AHCYL2: variants seen among roughly 807,000 people sequenced by gnomAD.
AHCYL2 encodes adenosylhomocysteinase like 2, also known as S-adenosylhomocysteine hydrolase-like protein 2.
Under a neutral mutation model 81.4 loss-of-function variants are expected in AHCYL2, and 28 were observed. The ratio of observed to expected loss-of-function variants is 0.34; its 90% confidence interval spans 0.25 to 0.47. AHCYL2 has a LOEUF of 0.47. Among genes scored for constraint, AHCYL2 ranks in the 20% least tolerant of loss-of-function variants. The pLI is 1.00. For missense variants in AHCYL2, 551 were observed against 785.1 expected, an observed-to-expected ratio of 0.70 and a Z score of 3.56; for synonymous variants, 272 against 290.2, an observed-to-expected ratio of 0.94 and a Z score of 0.64.
chr7:129,340,165 G>C (rs1184139483), intron 1 of AHCYL2, among the ~76,000 whole-genome samples: 2 of 140,630 alleles, frequency 1.4e-5, no homozygotes, highest in African/African-American at 5.3e-5. Context: ...CTTGTGATCC[G>C]CCCGCCTTGG....
At chr7:129,340,429 G>T (rs938084782) in intron 1 of AHCYL2, among the ~76,000 whole-genome samples, 2 of 151,474 alleles carry the variant, frequency 1.3e-5, no homozygotes, top group African/African-American at 2.4e-5. Context: ...TTAGCCGGGC[G>T]TGGTGGCAGT....
intron 1 of AHCYL2, among the ~76,000 whole-genome samples, chr7:129,362,380 C>A (rs901624463): frequency 9.9e-5 from 15 of 152,014 alleles, no homozygotes; most frequent in African/African-American, 3.6e-4. Context: ...TACCTAACAT[C>A]ATTTAGGTTG....
intron 1 of AHCYL2, among the ~76,000 whole-genome samples, chr7:129,298,401 A>G (rs191080900): frequency 8.9e-4 from 136 of 152,356 alleles, no homozygotes; most frequent in Non-Finnish European, 1.5e-3. Context: ...AATTTCCGTT[A>G]CAACTGGTAT....
intron 1 of AHCYL2, among the ~76,000 whole-genome samples, chr7:129,254,350 T>C (rs2150707218): frequency 6.6e-6 from 1 of 152,364 alleles, no homozygotes; most frequent in East Asian, 1.9e-4. Context: ...AACATAATTT[T>C]ACCTTTGTGT....
chr7:129,399,141 CAAAAAAA>C (rs71162600), intron 5 of AHCYL2, among the ~76,000 whole-genome samples: 1 of 44,968 alleles, frequency 2.2e-5, no homozygotes, highest in Non-Finnish European at 3.7e-5. Context: ...GACTCCATCT[CAAAAAAA>C]AAAAAAAAAA....
Position 129,427,616 on chromosome 7 carries a change from C to T in AHCYL2, c.*571C>T, listed in dbSNP as rs1797418273. The stretch of plus-strand genomic sequence containing the variant: ...TTGCCAAGCTACATCAAGAACTCAG[C>T]TGTGCTGTGCCTACCAGGGGTCTCC... On this transcript the variant is annotated 3_prime_UTR_variant, in exon 17 of 17. Transcript: ENST00000325006. This position sits in a 1 kb window ranked among gnomAD's most constrained non-coding sequence, Gnocchi z 5.5. 6.5e-6 allele frequency: 1 copy of T among 152,778 alleles called. No individual in the cohort carries two copies. Among genetic ancestry groups the T allele is most frequent in the Non-Finnish European group, 1.5e-5 (1 of 68,152 alleles). The allele number at this position is 152,778 out of a possible 1,614,324, so 9.5% of individuals were successfully genotyped here.
Position 129,378,145 on chromosome 7 carries a change from C to T in AHCYL2, c.364-1493C>T, listed in dbSNP as rs1388248207. On this transcript the variant is annotated intron_variant, in intron 1 of 16. Coordinates refer to ENST00000325006, the MANE Select transcript of AHCYL2 (RefSeq NM_015328.4). ...TGGCCAACATGGTGAAACCCCGTCT[C>T]TACTAAAAATACAAAAATTAGCTGG... Among the ~76,000 whole-genome samples the T allele has an allele frequency of 9.2e-5, 14 of 152,186 alleles. No individual in the cohort carries two copies. In the South Asian group the frequency reaches 2.9e-3, roughly 32 times the overall value.
Position 129,236,607 on chromosome 7 carries a change from G to A in AHCYL2, c.363+11168G>A, listed in dbSNP as rs140221597. ...CTGCCCGCCTCAGCCTCCCAAAGAG[G>A]CATAAAACACAGTGCTTGGCCGTGT... On this transcript the variant is annotated intron_variant, in intron 1 of 16. Transcript: ENST00000325006. Among the ~76,000 whole-genome samples the A allele has an allele frequency of 6.1e-4, 93 of 152,204 alleles. 1 individual carries two copies. Among genetic ancestry groups the A allele is most frequent in the Non-Finnish European group, 1.1e-3 (73 of 68,028 alleles).
intron 1 of AHCYL2, among the ~76,000 whole-genome samples, chr7:129,285,726 G>A (rs1286673604): frequency 7.7e-6 from 1 of 130,264 alleles, no homozygotes; most frequent in African/African-American, 2.9e-5. Context: ...TTGAGATAGG[G>A]TCTGGCTCTG....
rs1274164937 is a variant in AHCYL2, at chr7:129,389,105, G to A, written c.525G>A (p.Lys175=). 1.9e-6 allele frequency: 3 copies of A among 1,613,838 alleles called. No individual in the cohort carries two copies. Among genetic ancestry groups the A allele is most frequent in the Non-Finnish European group, 1.7e-6 (2 of 1,179,950 alleles). Residue 175 remains lysine (K), a synonymous_variant, in exon 3 of 17, where the codon AAG becomes AAA. Coordinates refer to ENST00000325006, the MANE Select transcript of AHCYL2 (RefSeq NM_015328.4). ...SSDDETSPRD[K]QQKNSKGSSD... is the part of the protein sequence containing the mutation. ...ATGATGAGACATCGCCCAGGGACAAGCAGCAAAAGAACTCTAAGGGAAGCA... is the reference window on the plus strand; with the variant it reads ...ATGATGAGACATCGCCCAGGGACAAACAGCAAAAGAACTCTAAGGGAAGCA...
chr7:129,246,598 A>G (rs779769790), intron 1 of AHCYL2, among the ~76,000 whole-genome samples: 7 of 152,214 alleles, frequency 4.6e-5, no homozygotes, highest in Non-Finnish European at 8.8e-5. Flanking sequence ...CCTACGCTCA[A>G]TCGATCTTCT....
At chr7:129,348,939 A>T (rs1793455068) in intron 1 of AHCYL2, among the ~76,000 whole-genome samples, 1 of 152,214 alleles carries the variant, frequency 6.6e-6, no homozygotes, top group Non-Finnish European at 1.5e-5. Flanking sequence ...TAAAAAGTTA[A>T]AACACACTAA....
chr7:129,280,955 C>T (rs1415844481), intron 1 of AHCYL2, among the ~76,000 whole-genome samples: 1 of 15,988 alleles, frequency 6.3e-5, no homozygotes, highest in East Asian at 0.25. Flanking sequence ...ACCTCTGCCT[C>T]CTGGTTCAAG....
intron 1 of AHCYL2, among the ~76,000 whole-genome samples, chr7:129,231,959 A>G (rs1262403659): frequency 2.0e-5 from 3 of 151,214 alleles, no homozygotes; most frequent in Non-Finnish European, 4.4e-5. Flanking sequence ...TCAAGGGTCT[A>G]TCAGTAGAAA....
intron 1 of AHCYL2, among the ~76,000 whole-genome samples, chr7:129,257,821 A>AGACAT (rs1795478421): frequency 6.6e-6 from 1 of 152,254 alleles, no homozygotes; most frequent in Admixed American, 6.5e-5. Flanking sequence ...AGGATCTTAG[A>AGACAT]GACATAGTGC....
chr7:129,387,367 A>G (rs1161898016), intron 2 of AHCYL2, among the ~76,000 whole-genome samples: 1 of 152,186 alleles, frequency 6.6e-6, no homozygotes, highest in African/African-American at 2.4e-5. Flanking sequence ...TAAATTAACA[A>G]CTCTTTCAAA....
intron 1 of AHCYL2, among the ~76,000 whole-genome samples, chr7:129,357,809 C>T (rs1793785788): frequency 6.6e-6 from 1 of 151,626 alleles, no homozygotes; most frequent in Non-Finnish European, 1.5e-5. Context: ...TGGCGGGCGC[C>T]TGTAGTCCCA....
At chr7:129,384,386 AT>A (rs924275985) in intron 2 of AHCYL2, among the ~76,000 whole-genome samples, 76 of 144,256 alleles carry the variant, frequency 5.3e-4, no homozygotes, top group East Asian at 2.4e-3. Flanking sequence ...GAGAACAGAG[AT>A]TTTTTTTTTT....
chr7:129,276,029 T>G (rs1372291076), intron 1 of AHCYL2, among the ~76,000 whole-genome samples: 1 of 152,158 alleles, frequency 6.6e-6, no homozygotes, highest in African/African-American at 2.4e-5. Flanking sequence ...TTATGCAAAC[T>G]ATTCTCGTAC....
Sources: gnomAD v4.1 joint callset for allele counts (sites outside exome capture counted in the v4.1 genomes callset) on GRCh38, gnomAD v4.1.1 for gene constraint, Gnocchi (gnomAD v3.1) non-coding constraint, MANE v1.5 for transcripts, NCBI Gene and HGNC (gene_info 2026-07-23, HGNC 2026-07-21) for gene names.